The following FAM83H variants were observed in gnomAD, a reference collection of about 807,000 sequenced individuals.
The protein encoded by FAM83H is scaffolding CK1 anchoring protein H, also known as protein FAM83H.
Under a neutral mutation model 30.2 loss-of-function variants are expected in FAM83H, and 24 were observed. The ratio of observed to expected loss-of-function variants is 0.79; its 90% CI spans 0.57 to 1.12. The LOEUF (loss-of-function observed/expected upper bound fraction) is 1.12, where lower values mean the gene tolerates loss of function less well. FAM83H is among the 50% of genes most tolerant of loss of function. FAM83H has a pLI of 0.00. For missense variants in FAM83H, 2,038 were observed against 1,773.9 expected (o/e 1.15, Z -2.67); for synonymous variants, 1,013 against 821.7 (o/e 1.23, Z -3.98).
In FAM83H at chr8:143,730,661, A is replaced by G. The variant is rs1554624301; in HGVS notation, c.-15-64T>C. 6.0e-6 allele frequency: 7 copies of G among 1,170,450 alleles called. No homozygotes were observed. In the African/African-American group the frequency reaches 1.1e-4, roughly 18 times the overall value. The allele number at this position is 1,170,450 out of a possible 1,614,324, so 72.5% of individuals were successfully genotyped here. A position where few individuals can be genotyped will look rare whatever the true frequency, so the allele number is the denominator to read the frequency against. ...ACTGGGACCACTCCTACCCTCGAGC[A>G]TGGACACACTGTGGAAAGGGCCGTC... On this transcript the variant is annotated intron_variant, in intron 1 of 4. Coordinates refer to ENST00000388913, the MANE Select transcript of FAM83H (RefSeq NM_198488.5).
chr8:143,724,385 TAGG>T lies in FAM83H; in HGVS notation c.*1533_*1535del, dbSNP rs1466625220. On this transcript the variant is annotated 3_prime_UTR_variant, in exon 5 of 5. Transcript: ENST00000388913. ...AAAAAAATTAGTTTTTGAAAAGAAA[TAGG>T]AGAATACAGAAACATGAATTTCACG... 2.6e-5 allele frequency: 4 copies of T among 152,180 alleles called. No homozygotes were observed. Among genetic ancestry groups the T allele is most frequent in the East Asian group, 1.9e-4 (1 of 5,182 alleles). 9.4% of individuals were successfully genotyped at this position (152,180 alleles called of 1,614,324 possible). A position where few individuals can be genotyped will look rare whatever the true frequency, so the allele number is the denominator to read the frequency against.
rs1430365262 is a variant in FAM83H at position 143,728,808 on chromosome 8, G to A, written c.738-85C>T. 7 of 1,597,130 alleles carry A rather than the reference G, an allele frequency of 4.4e-6. No homozygotes were observed. In the South Asian group the frequency reaches 5.5e-5, roughly 13 times the overall value. ...GGGCAGCGGGTGGGGCGCGGAGGAC[G>A]CAGGGATGTGAGGTCTGCAAGGACC... On this transcript the variant is annotated intron_variant, in intron 4 of 4. Transcript: ENST00000388913.
rs782083364 is a variant in FAM83H, at chr8:143,730,518, G to A, written c.65C>T (p.Pro22Leu). The change falls in exon 2 of 5, where the codon CCT (proline) becomes CTT (leucine). Residue 22 changes from proline (P) to leucine (L), a missense_variant. Physicochemically the swap from Pro to Leu is moderately conservative, Grantham distance 98. Coordinates refer to ENST00000388913, the MANE Select transcript of FAM83H (RefSeq NM_198488.5). ...DNPLAPGYLP[P>L]HYKEYYRLAV... ...CAGGCGGTAGTACTCTTTGTAGTGA[G>A]GCGGCAGGTACCCGGGTGCCAGTGG... 1.3e-6 allele frequency: 2 copies of A among 1,586,144 alleles called. No homozygotes were observed. Among genetic ancestry groups the A allele is most frequent in the East Asian group, 2.3e-5 (1 of 44,442 alleles).
Position 143,728,670 on chromosome 8 carries a change from C to T in FAM83H, c.791G>A (p.Gly264Glu). 1.2e-6 allele frequency: 2 copies of T among 1,603,896 alleles called. No homozygotes were observed. Among genetic ancestry groups the T allele is most frequent in the Non-Finnish European group, 1.7e-6 (2 of 1,179,882 alleles). ...IHRSLAHVFQ[G>E]ELVSSFDEEF... is the part of the protein sequence containing the mutation. ...CTCGTCGAAGCTGGAGACCAGCTCT[C>T]CTTGGAACACGTGCGCCAGGCTGCG... The change falls in exon 5 of 5, where the codon GGA becomes GAA. Residue 264 changes from glycine (G) to glutamate (E), a missense_variant. Gly to Glu is a moderately conservative substitution (Grantham distance 98). Coordinates refer to ENST00000388913, the MANE Select transcript of FAM83H (RefSeq NM_198488.5).
At position 143,725,156 on chromosome 8, in the gene FAM83H, C is replaced by CGGGGGGGGGGGGGGG. The variant is rs549881150; in HGVS notation, c.*750_*764dup. The CGGGGGGGGGGGGGGG allele has an allele frequency of 4.3e-4, 16 of 37,524 alleles. 1 individual carries two copies. Among genetic ancestry groups the CGGGGGGGGGGGGGGG allele is most frequent in the Non-Finnish European group, 5.0e-4 (9 of 18,044 alleles). 2.3% of individuals were successfully genotyped at this position (37,524 alleles called of 1,614,324 possible). On this transcript the variant is annotated 3_prime_UTR_variant, in exon 5 of 5. Coordinates refer to ENST00000388913, the MANE Select transcript of FAM83H (RefSeq NM_198488.5). ...AAGCCCAGGCGGGGGAGGGGGGAGACGGGGGGGGGGGGGGGGGAGGGAAGG... is the reference window on the plus strand; with the variant it reads ...AAGCCCAGGCGGGGGAGGGGGGAGACGGGGGGGGGGGGGGGGGGGGGGGGGGGGGGGGAGGGAAGG...
In FAM83H at chr8:143,728,393, CCGGCGGAAGG is replaced by C; in HGVS notation, c.1058_1067del (p.Ala353GlyfsTer189). 1 of 1,546,806 alleles carries C rather than the reference CCGGCGGAAGG, an allele frequency of 6.5e-7. No homozygotes were observed. The highest frequency in any genetic ancestry group is 8.7e-7 in the Non-Finnish European group (1 of 1,144,910). On this transcript the variant is annotated frameshift_variant, in exon 5 of 5. Coordinates refer to ENST00000388913, the MANE Select transcript of FAM83H (RefSeq NM_198488.5). LOFTEE classifies it low-confidence loss of function (END_TRUNC). ...CCCCCGGCATCCGCGGCGGCTCCTC[CCGGCGGAAGG>C]CCGACAGGAAGTGGCGGTCCGGGTC...
At position 143,726,066 on chromosome 8, in the gene FAM83H, A is replaced by C; in HGVS notation, c.3395T>G (p.Val1132Gly). The C allele has an allele frequency of 6.2e-7, 1 of 1,612,246 alleles. No individual in the cohort carries two copies. The highest frequency in any genetic ancestry group is 8.5e-7 in the Non-Finnish European group (1 of 1,179,736). The stretch of plus-strand genomic sequence containing the variant: ...GCAGAAGACCTCGAAGCGGCTGTAC[A>C]CGCGCTTCTCCTTGCGCATGCTCTC... ...RMESMRKEKR[V>G]YSRFEVFCKK... is the part of the protein sequence containing the mutation. Residue 1132 changes from valine to glycine, a missense_variant, in exon 5 of 5, where the codon GTG becomes GGG. Physicochemically the swap from Val to Gly is moderately radical, Grantham distance 109 (BLOSUM62 -3). Transcript: ENST00000388913.
At chr8:143,729,597 G>A (rs1554623849) in intron 2 of FAM83H, among the ~76,000 whole-genome samples, 1 of 152,194 alleles carries the variant, frequency 6.6e-6, no homozygotes, top group East Asian at 1.9e-4. Context: ...GGCACGGCAA[G>A]GGCCCCTCAA....
Position 143,728,999 on chromosome 8 carries a change from C to T in FAM83H, c.705G>A (p.Val235=), listed in dbSNP as rs781939274. 8.1e-6 allele frequency: 13 copies of T among 1,613,614 alleles called. No individual in the cohort carries two copies. The Admixed American group carries it at 2.0e-4, about 25-fold the overall frequency. ...KGHVKEKFLL[V]DCAVVMSGSY... ...TCCCACTCATCACCACGGCACAGTC[C>T]ACCAGCAGGAACTTCTCCTTGACGT... The change falls in exon 4 of 5, where the codon GTG becomes GTA. Residue 235 remains valine, a synonymous_variant. Coordinates refer to ENST00000388913, the MANE Select transcript of FAM83H (RefSeq NM_198488.5).
intron 4 of FAM83H, 46 bp from the exon 5 acceptor site, chr8:143,728,769 C>T: frequency 6.3e-7 from 1 of 1,598,400 alleles, no homozygotes; most frequent in African/African-American, 1.3e-5. Context: ...GGAGCGAGGG[C>T]ACTGCAGCCC....
intron 1 of FAM83H, chr8:143,731,854 A>G (rs1818533535): frequency 1.0e-6 from 1 of 985,390 alleles, no homozygotes; most frequent in African/African-American, 1.7e-5. Context: ...TGGCCTCTCC[A>G]GAAAGGTGTC....
chr8:143,727,230 G>C lies in FAM83H; in HGVS notation c.2231C>G (p.Pro744Arg), dbSNP rs1023737852. Residue 744 changes from proline to arginine, a missense_variant, in exon 5 of 5, where the codon CCA (proline) becomes CGA (arginine). Coordinates refer to ENST00000388913, the MANE Select transcript of FAM83H (RefSeq NM_198488.5). ...CGCGCCGCCGCCGGGATCACGGGCTGGGCCCTTGTACTTCTCCAGCAGCTC... is the reference window on the plus strand; with the variant it reads ...CGCGCCGCCGCCGGGATCACGGGCTCGGCCCTTGTACTTCTCCAGCAGCTC... ...VAELLEKYKGPARDPGGGAGA... is the reference protein window; with the variant it reads ...VAELLEKYKGRARDPGGGAGA... The C allele has an allele frequency of 4.6e-6, 7 of 1,534,524 alleles. No individual in the cohort carries two copies. In the East Asian group the frequency reaches 1.7e-4, roughly 38 times the overall value.
chr8:143,727,150 C>A lies in FAM83H; in HGVS notation c.2311G>T (p.Glu771Ter). 2 of 1,534,518 alleles carry A rather than the reference C, an allele frequency of 1.3e-6. No homozygotes were observed. Among genetic ancestry groups the A allele is most frequent in the Non-Finnish European group, 1.7e-6 (2 of 1,146,228 alleles). The change falls in exon 5 of 5, where the codon GAA (glutamate) becomes TAA (stop). Residue 771 changes from glutamate (E) to a stop codon, truncating the protein, a stop_gained. Transcript: ENST00000388913. LOFTEE classifies it low-confidence loss of function (END_TRUNC). ...SKAVVSQAWR[E>*]EVAAPGAVGG... ...ACGGCACCTGGGGCCGCCACCTCTT[C>A]CCGCCACGCCTGGGACACGACGGCC...
rs1554621770 is a variant in FAM83H, at chr8:143,726,421, T to G, written c.3040A>C (p.Thr1014Pro). The G allele has an allele frequency of 6.2e-7, 1 of 1,604,008 alleles. No individual in the cohort carries two copies. The highest frequency in any genetic ancestry group is 1.7e-5 in the Admixed American group (1 of 59,226). The change falls in exon 5 of 5, where the codon ACA becomes CCA. Residue 1014 changes from threonine to proline, a missense_variant. Thr to Pro is a conservative substitution (Grantham distance 38, BLOSUM62 -1). Transcript: ENST00000388913. ...CGCGCCCGCGGACCCCGCTCTTCTG[T>G]GGCAGCCTCCGTGCTGTCACCCTGG... Reference protein sequence around the residue: ...LGQGDSTEAATEERGPRARLS... With the variant: ...LGQGDSTEAAPEERGPRARLS...
At position 143,725,324 on chromosome 8, in the gene FAM83H, C is replaced by G. The variant is rs1818248293; in HGVS notation, c.*597G>C. The G allele has an allele frequency of 6.2e-6, 1 of 160,682 alleles. No homozygotes were observed. The highest frequency in any genetic ancestry group is 5.9e-5 in the Admixed American group (1 of 17,044). 10.0% of individuals were successfully genotyped at this position (160,682 alleles called of 1,614,324 possible). A position where few individuals can be genotyped will look rare whatever the true frequency, so the allele number is the denominator to read the frequency against. ...AGAGGATAGGGGACTTAGCGGGGTG[C>G]AAGGCTCACGCCTGTAATCCCCCCA... On this transcript the variant is annotated 3_prime_UTR_variant, in exon 5 of 5. Transcript: ENST00000388913.
In FAM83H at chr8:143,728,720, G is replaced by T; in HGVS notation, c.741C>A (p.Phe247Leu). The T allele has an allele frequency of 6.3e-7, 1 of 1,599,212 alleles. No homozygotes were observed. Among genetic ancestry groups the T allele is most frequent in the Non-Finnish European group, 8.5e-7 (1 of 1,179,864 alleles). Residue 247 changes from phenylalanine to leucine, a missense_variant, in exon 5 of 5, where the codon TTC (phenylalanine) becomes TTA (leucine). By Grantham distance (22) the Phe-to-Leu change is conservative. Coordinates refer to ENST00000388913, the MANE Select transcript of FAM83H (RefSeq NM_198488.5). The stretch of plus-strand genomic sequence containing the variant: ...GGTGGATCTTCTCAAAGGACCACAT[G>T]AAGCTGTGGGGGGGTCAGGGCCAGA... ...CAVVMSGSYSFMWSFEKIHRS... is the reference protein window; with the variant it reads ...CAVVMSGSYSLMWSFEKIHRS...
intron 1 of FAM83H, chr8:143,732,211 G>A: frequency 2.0e-6 from 2 of 985,410 alleles, no homozygotes; most frequent in South Asian, 9.4e-5. Context: ...GGAAATACCT[G>A]GTGCCACTCA....
chr8:143,727,325 C>T lies in FAM83H; in HGVS notation c.2136G>A (p.Glu712=), dbSNP rs1465069732. The T allele has an allele frequency of 1.4e-5, 22 of 1,555,096 alleles. No homozygotes were observed. Among genetic ancestry groups the T allele is most frequent in the Non-Finnish European group, 1.8e-5 (21 of 1,157,730 alleles). The part of the protein sequence containing the change: ...ATEKVQLLHK[E]QTVSETLGPG... Reference sequence around the variant, plus strand: ...GCCCCAGCGTCTCGCTGACCGTCTGCTCCTTGTGCAGCAGCTGCACCTTCT... The same window carrying T: ...GCCCCAGCGTCTCGCTGACCGTCTGTTCCTTGTGCAGCAGCTGCACCTTCT... The change falls in exon 5 of 5, where the codon GAG becomes GAA. Residue 712 remains glutamate, a synonymous_variant. Coordinates refer to ENST00000388913, the MANE Select transcript of FAM83H (RefSeq NM_198488.5).
At chr8:143,729,421 C>A in intron 2 of FAM83H, 98 bp from the exon 3 acceptor site, 2 of 1,390,318 alleles carry the variant, frequency 1.4e-6, no homozygotes, top group Non-Finnish European at 2.0e-6. Context: ...GGATCACCCA[C>A]GACCACTGTG....
Sources: allele counts gnomAD v4.1 joint callset (sites outside exome capture counted in the v4.1 genomes callset), GRCh38; gene constraint gnomAD v4.1.1; transcripts MANE v1.5; gene names NCBI Gene and HGNC (gene_info 2026-07-23, HGNC 2026-07-21).